Variants in MVK observed in about 807,000 individuals in gnomAD.
MVK encodes LH receptor mRNA-binding protein.
MVK carries 34 observed loss-of-function variants against 43.2 expected under a neutral mutation model. The ratio of observed to expected loss-of-function variants is 0.79; its 90% CI spans 0.60 to 1.05. The LOEUF (loss-of-function observed/expected upper bound fraction) is 1.05, where lower values mean the gene tolerates loss of function less well. Ranked by LOEUF, MVK falls within the 50% of genes least tolerant of loss-of-function variation. The pLI, the probability that MVK is intolerant of heterozygous loss-of-function variation, is 0.00. For synonymous variants in MVK, 190 were observed against 219.8 expected (o/e 0.86, Z 1.20); for missense variants, 395 against 504.0 (o/e 0.78, Z 2.07).
rs932116763 is a variant in MVK, at chr12:109,597,907, T to C, written c.*1330T>C. On this transcript the variant is annotated 3_prime_UTR_variant, in exon 11 of 11. Transcript: ENST00000228510. The stretch of plus-strand genomic sequence containing the variant: ...GGCAGCTGGCGGCCTTCCCTGCTGT[T>C]GTCTTCCTGCAGGGTGAGAGGAGCA... The C allele has an allele frequency of 2.0e-5, 3 of 152,208 alleles. No homozygotes were observed. Among genetic ancestry groups the C allele is most frequent in the African/African-American group, 7.2e-5 (3 of 41,434 alleles). 9.4% of individuals were successfully genotyped at this position (152,208 alleles called of 1,614,324 possible).
In MVK at chr12:109,596,523, C is replaced by T. The variant is rs1885921429; in HGVS notation, c.1137C>T (p.Ile379=). 1 of 1,612,714 alleles carries T rather than the reference C, an allele frequency of 6.2e-7. No individual in the cohort carries two copies. ...ETSIGAPGVS[I]HSATSLDSRV... ...GCATCGGTGCCCCCGGCGTCTCCATCCACTCAGCCACCTCCCTGGACAGCC... is the reference window on the plus strand; with the variant it reads ...GCATCGGTGCCCCCGGCGTCTCCATTCACTCAGCCACCTCCCTGGACAGCC... Residue 379 remains isoleucine (I), a synonymous_variant, in exon 11 of 11, where the codon ATC becomes ATT. Coordinates refer to ENST00000228510, the MANE Select transcript of MVK (RefSeq NM_000431.4).
intron 3 of MVK, among the ~76,000 whole-genome samples, chr12:109,577,640 C>G (rs1885016301): frequency 6.6e-6 from 1 of 151,942 alleles, no homozygotes. Context: ...TAGAGCAGCC[C>G]TTTTTAACTT....
rs2136255936 is a variant in MVK at position 109,595,981 on chromosome 12, T to C, written c.1040-445T>C. 1.3e-5 allele frequency among the ~76,000 whole-genome samples: 2 copies of C among 152,304 alleles called. No individual in the cohort carries two copies. Among genetic ancestry groups the C allele is most frequent in the African/African-American group, 4.8e-5 (2 of 41,560 alleles). On this transcript the variant is annotated intron_variant, in intron 10 of 10. Transcript: ENST00000228510. This position sits in a 1 kb window ranked among gnomAD's most constrained non-coding sequence, Gnocchi z 5.9. ...CTGTTGGTTCCTAGTTCAGAGCCCATGACGATGGTGGGACTTGACATTTCT... is the reference window on the plus strand; with the variant it reads ...CTGTTGGTTCCTAGTTCAGAGCCCACGACGATGGTGGGACTTGACATTTCT...
chr12:109,580,249 C>T (rs572933887), intron 4 of MVK, among the ~76,000 whole-genome samples: 6 of 152,184 alleles, frequency 3.9e-5, no homozygotes, highest in African/African-American at 1.4e-4. Context: ...ACTACAGGTG[C>T]GCACCACCAT....
At chr12:109,577,657 A>G (rs137942293) in intron 3 of MVK, among the ~76,000 whole-genome samples, 36 of 149,054 alleles carry the variant, frequency 2.4e-4, no homozygotes, top group African/African-American at 8.5e-4. Context: ...ACTTCATCAT[A>G]TCTTGGAATC....
At position 109,595,188 on chromosome 12, in the gene MVK, C is replaced by CG; in HGVS notation, c.1039+12dup. 2 of 1,613,858 alleles carry CG rather than the reference C, an allele frequency of 1.2e-6. No individual in the cohort carries two copies. On this transcript the variant is annotated splice_region_variant and intron_variant, in intron 10 of 10. Transcript: ENST00000228510. The surrounding 1 kb of genome is among the most constrained non-coding windows in gnomAD (Gnocchi z 5.9). ...ATCACACTCCTCAAGCCAGGTATCCCGGGGGTAGGTGGGCCAGGCTGCCAG... is the reference window on the plus strand; with the variant it reads ...ATCACACTCCTCAAGCCAGGTATCCCGGGGGGTAGGTGGGCCAGGCTGCCAG...
intron 1 of MVK, among the ~76,000 whole-genome samples, chr12:109,574,290 C>G (rs1884818333): frequency 6.6e-6 from 1 of 152,152 alleles, no homozygotes; most frequent in Admixed American, 6.5e-5. Flanking sequence ...TTTCTGCAGC[C>G]TTGTTTATAA....
chr12:109,573,889 C>T lies in MVK; in HGVS notation c.-15+16C>T, dbSNP rs758229545. 4.5e-4 allele frequency: 84 copies of T among 187,356 alleles called. No individual in the cohort carries two copies. Among genetic ancestry groups the T allele is most frequent in the Non-Finnish European group, 7.7e-4 (72 of 93,146 alleles). 11.6% of individuals were successfully genotyped at this position (187,356 alleles called of 1,614,324 possible). A position where few individuals can be genotyped will look rare whatever the true frequency, so the allele number is the denominator to read the frequency against. ...GCGGCGGCAGGTGAGAGGCCGGGGTCGGGCGGCCGGGCGGCGCGAGGTCCT... is the reference window on the plus strand; with the variant it reads ...GCGGCGGCAGGTGAGAGGCCGGGGTTGGGCGGCCGGGCGGCGCGAGGTCCT... On this transcript the variant is annotated intron_variant, in intron 1 of 10. Coordinates refer to ENST00000228510, the MANE Select transcript of MVK (RefSeq NM_000431.4).
chr12:109,575,864 T>C, intron 2 of MVK, 134 bp from the exon 3 acceptor site: 2 of 1,048,424 alleles, frequency 1.9e-6, no homozygotes, highest in Non-Finnish European at 2.9e-6. Flanking sequence ...CATGCCAAGG[T>C]TGATTAGCAG....
Position 109,590,865 on chromosome 12 carries a change from A to T in MVK, c.768+4A>T, listed in dbSNP as rs1295630463. ...CGTCAGAAACAGGCTGCTCAAGGTGACTCTTGTTCCCTTCTTGGGCAGGTT... is the reference window on the plus strand; with the variant it reads ...CGTCAGAAACAGGCTGCTCAAGGTGTCTCTTGTTCCCTTCTTGGGCAGGTT... On this transcript the variant is annotated splice_donor_region_variant and intron_variant, in intron 8 of 10. Coordinates refer to ENST00000228510, the MANE Select transcript of MVK (RefSeq NM_000431.4). 1 of 1,613,400 alleles carries T rather than the reference A, an allele frequency of 6.2e-7. No individual in the cohort carries two copies. Among genetic ancestry groups the T allele is most frequent in the African/African-American group, 1.3e-5 (1 of 74,718 alleles).
In MVK at chr12:109,596,608, G is replaced by C. The variant is rs367839145; in HGVS notation, c.*31G>C. 6.2e-7 allele frequency: 1 copy of C among 1,601,626 alleles called. No homozygotes were observed. The highest frequency in any genetic ancestry group is 8.5e-7 in the Non-Finnish European group (1 of 1,179,020). ...GCCCACGACACTGCAGCCCCACCCA[G>C]ATGCCCCTTTCTGGATTATTCTGGG... On this transcript the variant is annotated 3_prime_UTR_variant, in exon 11 of 11. Coordinates refer to ENST00000228510, the MANE Select transcript of MVK (RefSeq NM_000431.4).
intron 5 of MVK, 88 bp from the exon 6 acceptor site, chr12:109,585,934 C>T: frequency 9.6e-7 from 1 of 1,037,654 alleles, no homozygotes; most frequent in Admixed American, 1.7e-5. Context: ...GCTCCTATGC[C>T]CCTTGGCCTG....
upstream of MVK, chr12:109,573,457 G>A: frequency 6.2e-7 from 1 of 1,606,502 alleles, no homozygotes; most frequent in Non-Finnish European, 8.5e-7. Context: ...GGCCAAGACG[G>A]CTCCCCAGGC....
chr12:109,590,767 G>A lies in MVK; in HGVS notation c.678-4G>A, dbSNP rs774255920. The stretch of plus-strand genomic sequence containing the variant: ...TGTGGACCTGCCTCCTCTTCACCCT[G>A]CAGGTCGCCAGCTCTCCAGATCCTG... On this transcript the variant is annotated splice_polypyrimidine_tract_variant and splice_region_variant and intron_variant, in intron 7 of 10. Transcript: ENST00000228510. 6.2e-7 allele frequency: 1 copy of A among 1,613,972 alleles called. No individual in the cohort carries two copies. The highest frequency in any genetic ancestry group is 1.7e-5 in the Admixed American group (1 of 60,024).
rs1380231376 is a variant in MVK at position 109,595,505 on chromosome 12, C to T, written c.1039+324C>T. Among the ~76,000 whole-genome samples the T allele has an allele frequency of 2.0e-5, 3 of 152,288 alleles. No homozygotes were observed. The highest frequency in any genetic ancestry group is 2.9e-5 in the Non-Finnish European group (2 of 68,026). On this transcript the variant is annotated intron_variant, in intron 10 of 10. Transcript: ENST00000228510. The surrounding 1 kb of genome is among the most constrained non-coding windows in gnomAD (Gnocchi z 5.9). Reference sequence around the variant, plus strand: ...GTAACCAGGGCATTGTCACTCTCCACGTCTGCCTAACCTTGCCCCACTTGT... The same window carrying T: ...GTAACCAGGGCATTGTCACTCTCCATGTCTGCCTAACCTTGCCCCACTTGT...
chr12:109,578,754 G>A (rs4766613), intron 3 of MVK, among the ~76,000 whole-genome samples: 25,711 of 152,152 alleles, frequency 0.17, 2,245 homozygotes, highest in African/African-American at 0.19. Context: ...ACCAGTGCCC[G>A]AAGTTTCCTA....
intron 5 of MVK, among the ~76,000 whole-genome samples, chr12:109,582,903 T>G (rs1207108982): frequency 6.6e-6 from 1 of 152,024 alleles, no homozygotes; most frequent in African/African-American, 2.4e-5. Context: ...GTGTCTGGAA[T>G]GCACCCCACA....
intron 6 of MVK, among the ~76,000 whole-genome samples, 184 bp downstream of exon 6, chr12:109,586,309 T>C (rs1455455497): frequency 6.6e-6 from 1 of 152,138 alleles, no homozygotes; most frequent in Non-Finnish European, 1.5e-5. Context: ...ACCCCCTGAA[T>C]CAGAATCTCC....
intron 7 of MVK, among the ~76,000 whole-genome samples, chr12:109,587,516 G>A (rs1885490571): frequency 1.3e-5 from 2 of 152,214 alleles, no homozygotes; most frequent in African/African-American, 4.8e-5. Flanking sequence ...GGAGCCAGGT[G>A]CCTTTTTGAC....
Sources: gnomAD v4.1 joint callset for allele counts (sites outside exome capture counted in the v4.1 genomes callset) on GRCh38, gnomAD v4.1.1 for gene constraint, Gnocchi (gnomAD v3.1) non-coding constraint, MANE v1.5 for transcripts, NCBI Gene and HGNC (gene_info 2026-07-23, HGNC 2026-07-21) for gene names.